FAHD2A: variants seen among roughly 807,000 people sequenced by gnomAD.
The protein encoded by FAHD2A is oxaloacetate tautomerase FAHD2A, mitochondrial.
A neutral mutation model predicts 33.4 loss-of-function variants in FAHD2A; 27 were observed. The ratio of observed to expected loss-of-function variants is 0.81; its 90% CI spans 0.60 to 1.11. The LOEUF (loss-of-function observed/expected upper bound fraction) is 1.11, where lower values mean the gene tolerates loss of function less well. Among genes scored for constraint, FAHD2A ranks in the 50% most tolerant of loss-of-function variants. The probability of loss-of-function intolerance (pLI) is 0.00; values close to 1 mark genes in which losing one functional copy is unlikely to be tolerated. For missense variants in FAHD2A, 296 were observed against 395.0 expected, an observed-to-expected ratio of 0.75 and a Z score of 2.12; for synonymous variants, 130 against 153.3, an observed-to-expected ratio of 0.85 and a Z score of 1.12.
chr2:95,414,294 C>T lies in FAHD2A; in HGVS notation c.*1337C>T, dbSNP rs76223213. On this transcript the variant is annotated 3_prime_UTR_variant, in exon 8 of 8. Coordinates refer to ENST00000233379, the MANE Select transcript of FAHD2A (RefSeq NM_016044.3). ...CGGTGGCCTGCAGGAACTGGAACAG[C>T]TGTTGGAGAGGAGAAGAAAAAGAAG... 1.2e-3 allele frequency: 1,556 copies of T among 1,258,176 alleles called. 27 individuals are homozygous for T. In the East Asian group the frequency reaches 0.032, roughly 26 times the overall value. 77.9% of individuals were successfully genotyped at this position (1,258,176 alleles called of 1,614,324 possible).
At chr2:95,418,538 G>A (rs1683270934), downstream of FAHD2A, among the ~76,000 whole-genome samples, 1 of 152,012 alleles carries the variant, frequency 6.6e-6, no homozygotes, top group South Asian at 2.1e-4. Flanking sequence ...GAGGGCATAC[G>A]TGGAGTAATC....
At chr2:95,408,035 A>AT (rs11377714) in intron 3 of FAHD2A, among the ~76,000 whole-genome samples, 39,663 of 94,158 alleles carry the variant, frequency 0.42, 10,424 homozygotes, top group South Asian at 0.59. Context: ...GCAAACACAC[A>AT]TTTTTTTTTT....
chr2:95,409,214 A>G (rs145582716), intron 3 of FAHD2A, among the ~76,000 whole-genome samples: 92 of 152,272 alleles, frequency 6.0e-4, no homozygotes, highest in African/African-American at 2.2e-3. Context: ...CATGGGTGGT[A>G]GTTTGAGATC....
intron 2 of FAHD2A, 124 bp from the exon 3 acceptor site, chr2:95,406,817 T>C: frequency 6.9e-7 from 1 of 1,452,366 alleles, no homozygotes; most frequent in Non-Finnish European, 9.1e-7. Flanking sequence ...ACTCTGATGG[T>C]TGATAGAGCT....
At chr2:95,417,466 GA>G (rs1403082619), downstream of FAHD2A, among the ~76,000 whole-genome samples, 4 of 151,780 alleles carry the variant, frequency 2.6e-5, no homozygotes, top group African/African-American at 7.2e-5. Flanking sequence ...GAGGCTTTGG[GA>G]AAAAAAATGC....
At chr2:95,410,233 A>G (rs544251951) in intron 3 of FAHD2A, among the ~76,000 whole-genome samples, 1 of 152,226 alleles carries the variant, frequency 6.6e-6, no homozygotes, top group Non-Finnish European at 1.5e-5. Flanking sequence ...AAAAGTATCC[A>G]GAGTGACTTT....
Position 95,414,725 on chromosome 2 carries a change from CT to C in FAHD2A, c.*1771del, listed in dbSNP as rs1221553960. 6.9e-6 allele frequency: 1 copy of C among 145,138 alleles called. No individual in the cohort carries two copies. The highest frequency in any genetic ancestry group is 1.4e-5 in the Non-Finnish European group (1 of 70,236). The allele number at this position is 145,138 out of a possible 1,614,324, so 9.0% of individuals were successfully genotyped here. Reference sequence around the variant, plus strand: ...ATCTCATCTCACTCCACCATCACTTCTTTGCCAAATGCATTTCCAAACACCC... The same window carrying C: ...ATCTCATCTCACTCCACCATCACTTCTTGCCAAATGCATTTCCAAACACCC... On this transcript the variant is annotated 3_prime_UTR_variant, in exon 8 of 8. Coordinates refer to ENST00000233379, the MANE Select transcript of FAHD2A (RefSeq NM_016044.3).
At position 95,414,922 on chromosome 2, in the gene FAHD2A, A is replaced by G. The variant is rs1233747602; in HGVS notation, c.*1965A>G. 6.6e-6 allele frequency: 1 copy of G among 152,454 alleles called. No homozygotes were observed. Among genetic ancestry groups the G allele is most frequent in the African/African-American group, 2.4e-5 (1 of 41,380 alleles). The allele number at this position is 152,454 out of a possible 1,614,324, so 9.4% of individuals were successfully genotyped here. ...AGGCTTTCTTAAAAAAAAACAAAAAACAAAACCAATAACTCAGTAAGCAGA... is the reference window on the plus strand; with the variant it reads ...AGGCTTTCTTAAAAAAAAACAAAAAGCAAAACCAATAACTCAGTAAGCAGA... On this transcript the variant is annotated 3_prime_UTR_variant, in exon 8 of 8. Transcript: ENST00000233379.
At chr2:95,404,306 T>G (rs1037510679) in intron 1 of FAHD2A, among the ~76,000 whole-genome samples, 3 of 151,982 alleles carry the variant, frequency 2.0e-5, no homozygotes, top group Non-Finnish European at 4.4e-5. Flanking sequence ...TTTTTTTTTT[T>G]TAATTGAGAT....
In FAHD2A at chr2:95,415,801, A is replaced by G. The variant is rs1390697058; in HGVS notation, c.*2844A>G. 6.6e-6 allele frequency: 1 copy of G among 152,664 alleles called. No homozygotes were observed. The highest frequency in any genetic ancestry group is 1.5e-5 in the Non-Finnish European group (1 of 68,102). The allele number at this position is 152,664 out of a possible 1,614,324, so 9.5% of individuals were successfully genotyped here. A position where few individuals can be genotyped will look rare whatever the true frequency, so the allele number is the denominator to read the frequency against. On this transcript the variant is annotated 3_prime_UTR_variant, in exon 8 of 8. Coordinates refer to ENST00000233379, the MANE Select transcript of FAHD2A (RefSeq NM_016044.3). ...TCCGTGCGCAGGAGGTCACACTCCC[A>G]TGCTGCATCCCAGCCCCTCCAGAAG...
chr2:95,412,585 A>G, intron 6 of FAHD2A, 43 bp downstream of exon 6: 1 of 1,613,704 alleles, frequency 6.2e-7, no homozygotes. Flanking sequence ...TTCACCTGCC[A>G]CACATGTGGA....
rs1468588246 is a variant in FAHD2A at position 95,414,642 on chromosome 2, C to T, written c.*1685C>T. The T allele has an allele frequency of 3.5e-5, 7 of 198,800 alleles. No individual in the cohort carries two copies. The East Asian group carries it at 1.1e-3, about 32-fold the overall frequency. 12.3% of individuals were successfully genotyped at this position (198,800 alleles called of 1,614,324 possible). A position where few individuals can be genotyped will look rare whatever the true frequency, so the allele number is the denominator to read the frequency against. On this transcript the variant is annotated 3_prime_UTR_variant, in exon 8 of 8. Coordinates refer to ENST00000233379, the MANE Select transcript of FAHD2A (RefSeq NM_016044.3). ...CTCATTGTCCACCTGGCCTCTGAGG[C>T]CAGGCACCCTCATTCCCCTCTCCCA... is the stretch of plus-strand genomic sequence containing the variant.
chr2:95,413,288 A>C lies in FAHD2A; in HGVS notation c.*331A>C, dbSNP rs1682828534. ...GACAATTCGTGTCGTCCCCTTGTTT[A>C]TCACATCAAAGAAGGGAAAAAGCAA... On this transcript the variant is annotated 3_prime_UTR_variant, in exon 8 of 8. Transcript: ENST00000233379. The C allele has an allele frequency of 7.2e-7, 1 of 1,391,930 alleles. No individual in the cohort carries two copies. The highest frequency in any genetic ancestry group is 9.5e-7 in the Non-Finnish European group (1 of 1,048,150). 86.2% of individuals were successfully genotyped at this position (1,391,930 alleles called of 1,614,324 possible).
chr2:95,412,007 T>G (rs1215777602), intron 5 of FAHD2A, among the ~76,000 whole-genome samples: 1 of 152,216 alleles, frequency 6.6e-6, no homozygotes, highest in African/African-American at 2.4e-5. Flanking sequence ...CAGGCTGATT[T>G]TGAACTCCTG....
At chr2:95,411,963 A>T (rs766728573) in intron 5 of FAHD2A, among the ~76,000 whole-genome samples, 2 of 152,054 alleles carry the variant, frequency 1.3e-5, no homozygotes, top group African/African-American at 2.4e-5. Context: ...TGTTTTTATT[A>T]TTTTTTGTAG....
chr2:95,412,891 G>C lies in FAHD2A; in HGVS notation c.883-4G>C. 1 of 1,614,238 alleles carries C rather than the reference G, an allele frequency of 6.2e-7. No individual in the cohort carries two copies. Among genetic ancestry groups the C allele is most frequent in the Non-Finnish European group, 8.5e-7 (1 of 1,180,042 alleles). Reference sequence around the variant, plus strand: ...TGACACTGTCATGGCCTGCTCTGTTGCAGAAGGGGGATGAAGTCCAGTGTG... The same window carrying C: ...TGACACTGTCATGGCCTGCTCTGTTCCAGAAGGGGGATGAAGTCCAGTGTG... On this transcript the variant is annotated splice_region_variant and splice_polypyrimidine_tract_variant and intron_variant, in intron 7 of 7. Coordinates refer to ENST00000233379, the MANE Select transcript of FAHD2A (RefSeq NM_016044.3).
rs1291941372 is a variant in FAHD2A at position 95,413,839 on chromosome 2, T to C, written c.*882T>C. ...GGAAGACACCAAGTAAATCCCAGGGTCTTAATGAGGCACCATCAGGCCAGC... is the reference window on the plus strand; with the variant it reads ...GGAAGACACCAAGTAAATCCCAGGGCCTTAATGAGGCACCATCAGGCCAGC... On this transcript the variant is annotated 3_prime_UTR_variant, in exon 8 of 8. Transcript: ENST00000233379. The C allele has an allele frequency of 1.3e-6, 1 of 752,462 alleles. No individual in the cohort carries two copies. Among genetic ancestry groups the C allele is most frequent in the Non-Finnish European group, 2.3e-6 (1 of 429,998 alleles). 46.6% of individuals were successfully genotyped at this position (752,462 alleles called of 1,614,324 possible).
Position 95,415,678 on chromosome 2 carries a change from C to T in FAHD2A, c.*2721C>T, listed in dbSNP as rs3853143. ...GGTAAGCTGGGGAAGAGCCTGCTGC[C>T]GCCCAGCTCTGGTTGTGGAAGGGCT... On this transcript the variant is annotated 3_prime_UTR_variant, in exon 8 of 8. Transcript: ENST00000233379. 2.0e-5 allele frequency: 3 copies of T among 152,642 alleles called. No individual in the cohort carries two copies. Among genetic ancestry groups the T allele is most frequent in the Non-Finnish European group, 2.9e-5 (2 of 68,062 alleles). The allele number at this position is 152,642 out of a possible 1,614,324, so 9.5% of individuals were successfully genotyped here. A position where few individuals can be genotyped will look rare whatever the true frequency, so the allele number is the denominator to read the frequency against.
rs372626548 is a variant in FAHD2A at position 95,405,789 on chromosome 2, C to T, written c.231C>T (p.Leu77=). 37 of 1,612,756 alleles carry T rather than the reference C, an allele frequency of 2.3e-5. 1 individual carries two copies. In the Middle Eastern group the frequency reaches 1.7e-3, roughly 72 times the overall value. ...TQFLEQGEAT[L]SVARRALAAQ... Reference sequence around the variant, plus strand: ...TCCTAGAGCAGGGAGAGGCCACCCTCTCAGTGGCAAGAAGGTAAGTAAGTG... The same window carrying T: ...TCCTAGAGCAGGGAGAGGCCACCCTTTCAGTGGCAAGAAGGTAAGTAAGTG... Residue 77 remains leucine, a synonymous_variant, in exon 2 of 8, where the codon CTC becomes CTT. Transcript: ENST00000233379.
Sources: gnomAD v4.1 joint callset for allele counts (sites outside exome capture counted in the v4.1 genomes callset) on GRCh38, gnomAD v4.1.1 for gene constraint, MANE v1.5 for transcripts, NCBI Gene and HGNC (gene_info 2026-07-23, HGNC 2026-07-21) for gene names.